CLNS1A: variants seen among roughly 807,000 people sequenced by gnomAD.
CLNS1A encodes chloride nucleotide-sensitive channel 1A.
CLNS1A carries 16 observed loss-of-function variants against 29.4 expected under a neutral mutation model. That is an observed-to-expected ratio of 0.54 (90% confidence interval 0.37 to 0.83). CLNS1A has a LOEUF of 0.83. CLNS1A is among the 40% of genes least tolerant of loss of function. The pLI, the probability that CLNS1A is intolerant of heterozygous loss-of-function variation, is 0.00. For synonymous variants in CLNS1A, 96 were observed against 104.8 expected (o/e 0.92, Z 0.51); for missense variants, 235 against 287.4 (o/e 0.82, Z 1.32).
rs563216618 is a variant in CLNS1A at position 77,626,379 on chromosome 11, G to A, written c.263-561C>T. ...ATTGTGGCTGGGCACGGTGGCTCAC[G>A]CCTGTAATCCCAGCACTTTGGGAGG... On this transcript the variant is annotated intron_variant, in intron 2 of 6. Coordinates refer to ENST00000525428, the MANE Select transcript of CLNS1A (RefSeq NM_001293.3). Among the ~76,000 whole-genome samples the A allele has an allele frequency of 4.3e-4, 65 of 152,224 alleles. 1 individual carries two copies. The highest frequency in any genetic ancestry group is 1.4e-3 in the African/African-American group (57 of 41,548).
intron 2 of CLNS1A, among the ~76,000 whole-genome samples, chr11:77,626,827 G>A (rs912490324): frequency 2.6e-5 from 4 of 151,116 alleles, no homozygotes; most frequent in African/African-American, 9.7e-5. Context: ...GAGTAGCTGG[G>A]ACTACAGGCG....
intron 1 of CLNS1A, among the ~76,000 whole-genome samples, chr11:77,634,454 G>A (rs988276165): frequency 3.3e-5 from 5 of 151,986 alleles, no homozygotes; most frequent in Admixed American, 6.6e-5. Context: ...GGCCGGGCAC[G>A]GTGGCTCATG....
rs190424994 is a variant in CLNS1A at position 77,633,043 on chromosome 11, C to G, written c.126-3144G>C. The stretch of plus-strand genomic sequence containing the variant: ...CGGAGGTTGCAGTGAACCAAGATCA[C>G]GCTACCACACTCAAGCCTGGGCAAC... On this transcript the variant is annotated intron_variant, in intron 1 of 6. Coordinates refer to ENST00000525428, the MANE Select transcript of CLNS1A (RefSeq NM_001293.3). Among the ~76,000 whole-genome samples the G allele has an allele frequency of 2.1e-5, 3 of 144,680 alleles. No homozygotes were observed. In the Admixed American group the frequency reaches 2.1e-4, roughly 10 times the overall value. 94.9% of individuals were successfully genotyped at this position (144,680 alleles called of 152,430 possible).
Position 77,622,865 on chromosome 11 carries a change from T to C in CLNS1A, c.473-192A>G, listed in dbSNP as rs986816432. 3.3e-5 allele frequency among the ~76,000 whole-genome samples: 5 copies of C among 151,714 alleles called. No homozygotes were observed. The East Asian group carries it at 9.7e-4, about 29-fold the overall frequency. On this transcript the variant is annotated intron_variant, in intron 4 of 6. Transcript: ENST00000525428. ...CAGGAGGCTGAGGCAGGAGAATCGC[T>C]TGAACCACAGAGGTGGAGGTTGCAG...
intron 5 of CLNS1A, among the ~76,000 whole-genome samples, chr11:77,621,396 T>C (rs1028112470): frequency 6.6e-6 from 1 of 151,952 alleles, no homozygotes; most frequent in African/African-American, 2.4e-5. Context: ...TAATAGTAAA[T>C]GCATCTCAGA....
intron 2 of CLNS1A, among the ~76,000 whole-genome samples, chr11:77,628,860 A>G (rs1020904270): frequency 9.2e-5 from 14 of 152,248 alleles, no homozygotes; most frequent in African/African-American, 2.9e-4. Context: ...CAACCTTGGC[A>G]CTACTGACAT....
intron 4 of CLNS1A, among the ~76,000 whole-genome samples, chr11:77,624,372 T>A (rs1273517680): frequency 2.0e-5 from 3 of 152,216 alleles, no homozygotes; most frequent in Non-Finnish European, 4.4e-5. Context: ...AAGACTTTCC[T>A]GACCATCCAC....
At chr11:77,632,914 C>G (rs895394174) in intron 1 of CLNS1A, among the ~76,000 whole-genome samples, 3 of 151,774 alleles carry the variant, frequency 2.0e-5, no homozygotes, top group South Asian at 2.1e-4. Flanking sequence ...TGGCGAAACC[C>G]TGTCTCTATT....
At chr11:77,618,457 CTGTA>C (rs1254100911) in intron 6 of CLNS1A, 10 of 152,136 alleles carry the variant, frequency 6.6e-5, no homozygotes, top group African/African-American at 2.4e-4. Context: ...TAATTTTAAA[CTGTA>C]TGGCTACCAC....
intron 1 of CLNS1A, among the ~76,000 whole-genome samples, chr11:77,637,034 C>CT (rs1959132928): frequency 6.6e-6 from 1 of 151,744 alleles, no homozygotes; most frequent in Non-Finnish European, 1.5e-5. Context: ...TAAGGGTGTT[C>CT]CTCTCCTTAC....
At position 77,624,175 on chromosome 11, in the gene CLNS1A, G is replaced by C. The variant is rs73504718; in HGVS notation, c.472+788C>G. Among the ~76,000 whole-genome samples, 536 of 152,298 alleles carry C rather than the reference G, an allele frequency of 3.5e-3. 4 individuals are homozygous for C. Among genetic ancestry groups the C allele is most frequent in the African/African-American group, 0.012 (494 of 41,564 alleles). On this transcript the variant is annotated intron_variant, in intron 4 of 6. Transcript: ENST00000525428. ...AGGTACTCAAGAGGCTGAGCTGGGA[G>C]AATCATTTGAGTCCAGCAGGCAGAG...
chr11:77,621,787 T>G, intron 5 of CLNS1A: 1 of 328,012 alleles, frequency 3.0e-6, no homozygotes, highest in South Asian at 2.6e-5. Flanking sequence ...CTGGTGAAAA[T>G]TGGGTGAAGG....
chr11:77,623,688 A>G lies in CLNS1A; in HGVS notation c.473-1015T>C, dbSNP rs1958986853. On this transcript the variant is annotated intron_variant, in intron 4 of 6. Coordinates refer to ENST00000525428, the MANE Select transcript of CLNS1A (RefSeq NM_001293.3). The stretch of plus-strand genomic sequence containing the variant: ...CAGAAAGATAAGGATATATTTGGAT[A>G]TATTTAGGTATGTGATGGCGGATCC... 3.9e-5 allele frequency among the ~76,000 whole-genome samples: 6 copies of G among 152,164 alleles called. 1 individual carries two copies. The highest frequency in any genetic ancestry group is 3.9e-4 in the Admixed American group (6 of 15,264).
At chr11:77,622,843 G>A (rs989502539) in intron 4 of CLNS1A, among the ~76,000 whole-genome samples, 170 bp from the exon 5 acceptor site, 1 of 151,968 alleles carries the variant, frequency 6.6e-6, no homozygotes, top group East Asian at 1.9e-4. Flanking sequence ...AGCTACTCAG[G>A]AGGCTGAGGC....
chr11:77,631,395 G>C (rs1416274346), intron 1 of CLNS1A, among the ~76,000 whole-genome samples: 1 of 148,552 alleles, frequency 6.7e-6, no homozygotes, highest in Admixed American at 6.8e-5. Context: ...ATCTCGGCTC[G>C]CTGCAAGCTC....
intron 1 of CLNS1A, among the ~76,000 whole-genome samples, chr11:77,633,084 CAAAAAAAAAA>C (rs887085397): frequency 2.3e-4 from 13 of 55,592 alleles, no homozygotes; most frequent in African/African-American, 6.9e-4. Context: ...GACTCCATCT[CAAAAAAAAAA>C]AAAAAAAAAA....
chr11:77,636,767 G>C (rs539209386), intron 1 of CLNS1A, among the ~76,000 whole-genome samples: 5 of 152,310 alleles, frequency 3.3e-5, no homozygotes, highest in Non-Finnish European at 7.3e-5. Context: ...CTGTAGACAA[G>C]TGATGGAGCA....
At chr11:77,628,755 C>G (rs138184262) in intron 2 of CLNS1A, among the ~76,000 whole-genome samples, 2 of 152,146 alleles carry the variant, frequency 1.3e-5, no homozygotes, top group Non-Finnish European at 2.9e-5. Flanking sequence ...AAAAGCAACC[C>G]GTTATTTTAA....
In CLNS1A at chr11:77,619,701, C is replaced by T; in HGVS notation, c.647-6G>A. The T allele has an allele frequency of 1.9e-6, 3 of 1,608,746 alleles. No homozygotes were observed. The highest frequency in any genetic ancestry group is 1.7e-6 in the Non-Finnish European group (2 of 1,175,266). ...GGTATCCACCTCCATCCCATCTAAA[C>T]AAAAAAATTAATTACTGAGCAATCC... is the stretch of plus-strand genomic sequence containing the variant. On this transcript the variant is annotated splice_region_variant and splice_polypyrimidine_tract_variant and intron_variant, in intron 5 of 6. Coordinates refer to ENST00000525428, the MANE Select transcript of CLNS1A (RefSeq NM_001293.3).
Sources: allele counts gnomAD v4.1 joint callset (sites outside exome capture counted in the v4.1 genomes callset), GRCh38; gene constraint gnomAD v4.1.1; transcripts MANE v1.5; gene names NCBI Gene and HGNC (gene_info 2026-07-23, HGNC 2026-07-21).